Variants in KLHDC4 observed in about 807,000 individuals in gnomAD.
KLHDC4 encodes the protein kelch domain-containing protein 4.
A neutral mutation model predicts 62.4 loss-of-function variants in KLHDC4; 90 were observed. That is an observed-to-expected ratio of 1.44 (90% CI 1.22 to 1.72). The LOEUF is 1.72. KLHDC4 is among the 40% of genes most tolerant of loss of function. KLHDC4 has a pLI of 0.00. For missense variants in KLHDC4, 1,025 were observed against 699.7 expected (o/e 1.47, Z -5.25); for synonymous variants, 386 against 284.4 (o/e 1.36, Z -3.59).
intron 5 of KLHDC4, among the ~76,000 whole-genome samples, chr16:87,737,762 C>G (rs114770508): frequency 5.8e-4 from 88 of 152,024 alleles, no homozygotes; most frequent in African/African-American, 2.1e-3. Flanking sequence ...TAATATTTTT[C>G]TGTATTTCTG....
At chr16:87,746,931 C>T (rs1008667228) in intron 5 of KLHDC4, among the ~76,000 whole-genome samples, 1 of 152,190 alleles carries the variant, frequency 6.6e-6, no homozygotes, top group African/African-American at 2.4e-5. Context: ...GCAGCTGCCA[C>T]GGATGTCCCG....
chr16:87,732,348 G>A (rs998985685), intron 5 of KLHDC4, among the ~76,000 whole-genome samples: 40 of 151,890 alleles, frequency 2.6e-4, no homozygotes, highest in African/African-American at 8.7e-4. Flanking sequence ...TGCCTGCCTC[G>A]GCCTCCCAAA....
At chr16:87,760,206 T>G (rs1351403771) in intron 2 of KLHDC4, among the ~76,000 whole-genome samples, 1 of 148,772 alleles carries the variant, frequency 6.7e-6, no homozygotes, top group Non-Finnish European at 1.5e-5. Context: ...CAGGCAACAT[T>G]ACTTATGGAA....
intron 5 of KLHDC4, chr16:87,740,477 C>T (rs1017656518): frequency 5.9e-5 from 9 of 152,264 alleles, no homozygotes; most frequent in Non-Finnish European, 1.2e-4. Flanking sequence ...CCAGGCCGGA[C>T]TGGGCAACAG....
chr16:87,735,163 G>A (rs1195898591), intron 5 of KLHDC4, among the ~76,000 whole-genome samples: 1 of 151,998 alleles, frequency 6.6e-6, no homozygotes, highest in African/African-American at 2.4e-5. Flanking sequence ...AGCCAGGCAT[G>A]GTGGCGGGCG....
At chr16:87,702,416 T>C in exon 1 of KLHDC4, 1 of 372,342 alleles carries the variant, frequency 2.7e-6, no homozygotes, top group Non-Finnish European at 5.3e-6. Context: ...ACCCCCAGCC[T>C]GGGAACCCCC....
At chr16:87,753,304 A>G (rs949145686) in intron 4 of KLHDC4, among the ~76,000 whole-genome samples, 2 of 152,238 alleles carry the variant, frequency 1.3e-5, no homozygotes, top group African/African-American at 4.8e-5. Context: ...ATCAGAGCTT[A>G]CACAGGGCTT....
intron 5 of KLHDC4, among the ~76,000 whole-genome samples, chr16:87,746,047 T>C (rs1369463630): frequency 1.3e-5 from 2 of 151,948 alleles, no homozygotes; most frequent in East Asian, 3.9e-4. Context: ...GAGAATCTCT[T>C]GAGGCCAAGA....
Position 87,709,423 on chromosome 16 carries a change from C to G in KLHDC4, c.1289G>C (p.Cys430Ser). 9.9e-6 allele frequency: 16 copies of G among 1,613,092 alleles called. No homozygotes were observed. Among genetic ancestry groups the G allele is most frequent in the Non-Finnish European group, 1.4e-5 (16 of 1,179,944 alleles). ...AGCCAGCATGGCGTTGGAGCGTGGA[C>G]ACGGCCCAGGTGCGGGGCTGCCGGC... ...EEAGSPAPGP[C>S]PRSNAMLAVK... is the part of the protein sequence containing the mutation. Residue 430 changes from cysteine to serine, a missense_variant, in exon 10 of 12, where the codon TGT becomes TCT. Coordinates refer to ENST00000270583, the MANE Select transcript of KLHDC4 (RefSeq NM_017566.4).
At chr16:87,749,764 G>A (rs139559737) in intron 4 of KLHDC4, among the ~76,000 whole-genome samples, 1 of 152,058 alleles carries the variant, frequency 6.6e-6, no homozygotes, top group East Asian at 1.9e-4. Context: ...ATTTTTTGCA[G>A]CAATGGCGTC....
rs74039482 is a variant in KLHDC4 at position 87,708,546 on chromosome 16, G to A, written c.1448-80C>T. 6,068 of 937,848 alleles carry A rather than the reference G, an allele frequency of 6.5e-3. 233 individuals are homozygous for A. The African/African-American group carries it at 0.087, about 14-fold the overall frequency. 58.1% of individuals were successfully genotyped at this position (937,848 alleles called of 1,614,324 possible). On this transcript the variant is annotated intron_variant, in intron 10 of 11. Coordinates refer to ENST00000270583, the MANE Select transcript of KLHDC4 (RefSeq NM_017566.4). ...GAGGCTGCGGGACGGTGGTGGCTAC[G>A]TCCTGGGGGGATTCCATTTTCTTAA... is the stretch of plus-strand genomic sequence containing the variant.
chr16:87,743,951 G>C (rs937178137), intron 5 of KLHDC4, among the ~76,000 whole-genome samples: 1 of 151,534 alleles, frequency 6.6e-6, no homozygotes, highest in African/African-American at 2.4e-5. Flanking sequence ...ATCAGCAAAC[G>C]CAATCCAGTC....
At chr16:87,756,512 A>C in intron 2 of KLHDC4, 35 bp from the exon 3 acceptor site, 3 of 1,481,462 alleles carry the variant, frequency 2.0e-6, no homozygotes, top group East Asian at 4.5e-5. Flanking sequence ...CAGCAAGATC[A>C]CCCCCGATAC....
chr16:87,723,667 C>A (rs372717516), intron 7 of KLHDC4, among the ~76,000 whole-genome samples: 5 of 152,372 alleles, frequency 3.3e-5, no homozygotes, highest in Admixed American at 1.3e-4. Context: ...TCGGGTCATT[C>A]CGATCAACTC....
chr16:87,709,453 T>C lies in KLHDC4; in HGVS notation c.1259A>G (p.Glu420Gly). The C allele has an allele frequency of 1.2e-6, 2 of 1,612,194 alleles. No individual in the cohort carries two copies. The highest frequency in any genetic ancestry group is 1.7e-6 in the Non-Finnish European group (2 of 1,179,894). The change falls in exon 10 of 12, where the codon GAG (glutamate) becomes GGG (glycine). Residue 420 changes from glutamate to glycine, a missense_variant. By Grantham distance (98) the Glu-to-Gly change is moderately conservative. Coordinates refer to ENST00000270583, the MANE Select transcript of KLHDC4 (RefSeq NM_017566.4). The stretch of plus-strand genomic sequence containing the variant: ...CCCAGGTGCGGGGCTGCCGGCCTCC[T>C]CAAGGCTGTCTTCGTCCTCAGACCG... ...QPRSEDEDSL[E>G]EAGSPAPGPC... is the part of the protein sequence containing the mutation.
downstream of KLHDC4, among the ~76,000 whole-genome samples, chr16:87,707,198 A>G (rs1329487098): frequency 1.3e-5 from 2 of 152,258 alleles, no homozygotes; most frequent in African/African-American, 2.4e-5. Context: ...GTTGGGAGTT[A>G]GCGCACCACA....
At chr16:87,713,181 G>A (rs943590302) in intron 8 of KLHDC4, among the ~76,000 whole-genome samples, 4 of 152,016 alleles carry the variant, frequency 2.6e-5, no homozygotes, top group African/African-American at 7.3e-5. Context: ...ACAGACGTGC[G>A]CCAGCACACC....
chr16:87,701,859 C>T (rs779424575), exon 1 of KLHDC4: 17 of 456,638 alleles, frequency 3.7e-5, no homozygotes, highest in Middle Eastern at 6.5e-4. Flanking sequence ...CCATCCACAC[C>T]GAGGAAGCCT....
chr16:87,753,117 G>C (rs912707887), intron 4 of KLHDC4, among the ~76,000 whole-genome samples: 3 of 152,236 alleles, frequency 2.0e-5, no homozygotes, highest in African/African-American at 7.2e-5. Flanking sequence ...CAGGGACGCA[G>C]AGGCAGCTAA....
Sources: gnomAD v4.1 joint callset for allele counts (sites outside exome capture counted in the v4.1 genomes callset) on GRCh38, gnomAD v4.1.1 for gene constraint, MANE v1.5 for transcripts, NCBI Gene and HGNC (gene_info 2026-07-23, HGNC 2026-07-21) for gene names.